LMBRD2: variants seen among roughly 807,000 people sequenced by gnomAD.
LMBRD2 encodes G protein-coupled receptor-associated protein LMBRD2.
LMBRD2 carries 55 observed loss-of-function variants against 94.4 expected under a neutral mutation model. The observed-to-expected ratio is 0.58, with a 90% CI of 0.47 to 0.73. The LOEUF is 0.73. LMBRD2 is among the 30% of genes least tolerant of loss of function. The pLI is 0.00. For synonymous variants in LMBRD2, 246 were observed against 272.4 expected (o/e 0.90, Z 0.95); for missense variants, 640 against 831.9 (o/e 0.77, Z 2.84).
At chr5:36,128,784 T>C (rs1744067543) in intron 6 of LMBRD2, among the ~76,000 whole-genome samples, 1 of 152,172 alleles carries the variant, frequency 6.6e-6, no homozygotes, top group Non-Finnish European at 1.5e-5. Context: ...GACACAGAGA[T>C]ATGTGCCCTT....
chr5:36,119,284 A>C (rs1743832333), intron 9 of LMBRD2, among the ~76,000 whole-genome samples: 1 of 152,064 alleles, frequency 6.6e-6, no homozygotes, highest in Admixed American at 6.6e-5. Context: ...TTTTATTATC[A>C]ATATCTCCAG....
Position 36,117,906 on chromosome 5 carries a change from C to T in LMBRD2, c.1131G>A (p.Trp377Ter). 1 of 1,604,544 alleles carries T rather than the reference C, an allele frequency of 6.2e-7. No homozygotes were observed. Among genetic ancestry groups the T allele is most frequent in the South Asian group, 1.1e-5 (1 of 88,540 alleles). Residue 377 changes from tryptophan to a stop codon, truncating the protein, a stop_gained, in exon 10 of 18, where the codon TGG becomes TGA. Transcript: ENST00000296603. LOFTEE classifies it high-confidence loss of function. The part of the protein sequence containing the change: ...YFYNPTFEWY[W>*]ECLLRPWFYK... ...AAAACCATGGTCGCAAAAGACATTCCCAGTACCATTCTAGAAGACAAAAGA... is the reference window on the plus strand; with the variant it reads ...AAAACCATGGTCGCAAAAGACATTCTCAGTACCATTCTAGAAGACAAAAGA...
chr5:36,132,286 C>T (rs1391959858), intron 6 of LMBRD2, among the ~76,000 whole-genome samples: 1 of 151,996 alleles, frequency 6.6e-6, no homozygotes, highest in East Asian at 1.9e-4. Flanking sequence ...GACCAGTTAT[C>T]TCCCCATATA....
chr5:36,122,829 T>C lies in LMBRD2; in HGVS notation c.936+19A>G, dbSNP rs968072655. ...TTAAAATCATCATTAAGTAAAATACTTATAATTAACAAAGTTACCTGTTTA... is the reference window on the plus strand; with the variant it reads ...TTAAAATCATCATTAAGTAAAATACCTATAATTAACAAAGTTACCTGTTTA... On this transcript the variant is annotated intron_variant, in intron 8 of 17. Coordinates refer to ENST00000296603, the MANE Select transcript of LMBRD2 (RefSeq NM_001007527.2). The C allele has an allele frequency of 3.8e-6, 6 of 1,586,046 alleles. No individual in the cohort carries two copies. In the South Asian group the frequency reaches 5.8e-5, roughly 15 times the overall value.
intron 9 of LMBRD2, among the ~76,000 whole-genome samples, chr5:36,120,047 A>ATC (rs1201144899): frequency 6.9e-4 from 93 of 134,282 alleles, no homozygotes; most frequent in Admixed American, 3.1e-3. Flanking sequence ...CTTTTCTTTC[A>ATC]TCTCTCTCTC....
chr5:36,108,114 C>T (rs1179904889), intron 16 of LMBRD2, among the ~76,000 whole-genome samples: 1 of 152,056 alleles, frequency 6.6e-6, no homozygotes, highest in East Asian at 1.9e-4. Context: ...AGAAATATAC[C>T]TTCTTTGTAT....
In LMBRD2 at chr5:36,122,871, T is replaced by A. The variant is rs763778332; in HGVS notation, c.913A>T (p.Ser305Cys). Reference sequence around the variant, plus strand: ...ACCTGTTTATGCAGTTTTACCAGACTTTTTTCACTTGGATAGATACTATGC... The same window carrying A: ...ACCTGTTTATGCAGTTTTACCAGACATTTTTCACTTGGATAGATACTATGC... ...EKHSIYPSEK[S>C]LVKLHKQVIY... Residue 305 changes from serine to cysteine, a missense_variant, in exon 8 of 18, where the codon AGT (serine) becomes TGT (cysteine). By Grantham distance (112) the Ser-to-Cys change is moderately radical (BLOSUM62 -1). Coordinates refer to ENST00000296603, the MANE Select transcript of LMBRD2 (RefSeq NM_001007527.2). The A allele has an allele frequency of 3.1e-6, 5 of 1,595,106 alleles. No homozygotes were observed. In the South Asian group the frequency reaches 5.7e-5, roughly 18 times the overall value.
intron 2 of LMBRD2, 150 bp from the exon 3 acceptor site, chr5:36,142,749 G>C: frequency 1.0e-5 from 5 of 491,524 alleles, no homozygotes; most frequent in Non-Finnish European, 1.8e-5. Context: ...GTGTGAGACA[G>C]AGTCTCACTC....
intron 6 of LMBRD2, among the ~76,000 whole-genome samples, chr5:36,126,156 C>T (rs984283450): frequency 6.6e-6 from 1 of 152,112 alleles, no homozygotes; most frequent in African/African-American, 2.4e-5. Context: ...TAAGAGGTTA[C>T]CTGGAAGCAT....
chr5:36,140,197 G>C (rs1278469649), intron 4 of LMBRD2, among the ~76,000 whole-genome samples: 2 of 152,202 alleles, frequency 1.3e-5, no homozygotes, highest in Non-Finnish European at 2.9e-5. Context: ...CCCAGCCACA[G>C]GCTTTCACAG....
intron 1 of LMBRD2, 33 bp from the exon 2 acceptor site, chr5:36,143,439 T>C (rs2111912208): frequency 1.1e-6 from 1 of 879,284 alleles, no homozygotes; most frequent in East Asian, 2.6e-5. Context: ...AAATGCATCA[T>C]TAACACAGGA....
chr5:36,137,346 T>A lies in LMBRD2; in HGVS notation c.464A>T (p.Tyr155Phe). Residue 155 changes from tyrosine to phenylalanine, a missense_variant, in exon 5 of 18, where the codon TAT becomes TTT. Around this residue, in one of 2 missense-constraint regions of LMBRD2, gnomAD observed 457 missense variants for 642.8 expected, o/e 0.71. Coordinates refer to ENST00000296603, the MANE Select transcript of LMBRD2 (RefSeq NM_001007527.2). ...TCCAAAAATCAGCAAATAGGTGCCA[T>A]AGTAGATTGCATTCTCAATTAGTGC... is the stretch of plus-strand genomic sequence containing the variant. ...KTALIENAIY[Y>F]GTYLLIFGAF... is the part of the protein sequence containing the mutation. The A allele has an allele frequency of 6.2e-7, 1 of 1,606,122 alleles. No individual in the cohort carries two copies. Among genetic ancestry groups the A allele is most frequent in the Non-Finnish European group, 8.5e-7 (1 of 1,174,394 alleles).
intron 13 of LMBRD2, among the ~76,000 whole-genome samples, 179 bp from the exon 14 acceptor site, chr5:36,111,437 G>C (rs902302183): frequency 6.6e-6 from 1 of 152,136 alleles, no homozygotes; most frequent in East Asian, 1.9e-4. Flanking sequence ...CCCTTTCTAA[G>C]AAGTGTATGC....
intron 1 of LMBRD2, among the ~76,000 whole-genome samples, chr5:36,146,526 C>T (rs576741110): frequency 5.3e-5 from 8 of 152,246 alleles, no homozygotes; most frequent in South Asian, 2.1e-4. Context: ...CACACCACCA[C>T]GCCTGGCTAA....
intron 15 of LMBRD2, 21 bp from the exon 16 acceptor site, chr5:36,108,660 A>C: frequency 8.5e-7 from 1 of 1,178,426 alleles, no homozygotes; most frequent in Non-Finnish European, 1.2e-6. Flanking sequence ...AGCACAAATA[A>C]TCATATAATA....
At chr5:36,112,338 C>A (rs758357235) in intron 13 of LMBRD2, among the ~76,000 whole-genome samples, 1 of 152,070 alleles carries the variant, frequency 6.6e-6, no homozygotes, top group Non-Finnish European at 1.5e-5. Flanking sequence ...ATCACTGTCT[C>A]TGGGAAAGTT....
At chr5:36,105,264 G>C in intron 16 of LMBRD2, 67 bp from the exon 17 acceptor site, 1 of 1,432,286 alleles carries the variant, frequency 7.0e-7, no homozygotes, top group East Asian at 2.3e-5. Flanking sequence ...ACAGTCTATG[G>C]AGGTACAGAA....
At chr5:36,137,618 T>C (rs1744302277) in intron 4 of LMBRD2, among the ~76,000 whole-genome samples, 177 bp from the exon 5 acceptor site, 1 of 152,230 alleles carries the variant, frequency 6.6e-6, no homozygotes, top group Non-Finnish European at 1.5e-5. Flanking sequence ...ATTTTTGTAA[T>C]ATAAAATTTT....
chr5:36,124,232 T>G lies in LMBRD2; in HGVS notation c.781A>C (p.Asn261His). 6.3e-7 allele frequency: 1 copy of G among 1,591,346 alleles called. No individual in the cohort carries two copies. The highest frequency in any genetic ancestry group is 1.1e-5 in the South Asian group (1 of 89,850). The part of the protein sequence containing the change: ...VRKVNESIKY[N>H]HPLRKCVDTI... Reference sequence around the variant, plus strand: ...TCAACACATTTTCTCAATGGGTGATTATACTTGATGCTTTCATTCACTTTA... The same window carrying G: ...TCAACACATTTTCTCAATGGGTGATGATACTTGATGCTTTCATTCACTTTA... The change falls in exon 7 of 18, where the codon AAT becomes CAT. Residue 261 changes from asparagine (N) to histidine (H), a missense_variant. Physicochemically the swap from Asn to His is moderately conservative, Grantham distance 68. Transcript: ENST00000296603.
Sources: gnomAD v4.1 joint callset for allele counts (sites outside exome capture counted in the v4.1 genomes callset) on GRCh38, gnomAD v4.1.1 for gene constraint, gnomAD v4.1.1 regional missense constraint, MANE v1.5 for transcripts, NCBI Gene and HGNC (gene_info 2026-07-23, HGNC 2026-07-21) for gene names.